PTPRD: variants seen among roughly 807,000 people sequenced by gnomAD.
The protein encoded by PTPRD is protein tyrosine phosphatase receptor type D, also known as receptor-type tyrosine-protein phosphatase delta.
A neutral mutation model predicts 214.5 loss-of-function variants in PTPRD; 34 were observed. The observed-to-expected ratio is 0.16, with a 90% confidence interval of 0.12 to 0.21. The LOEUF (loss-of-function observed/expected upper bound fraction) is 0.21. Ranked by LOEUF, PTPRD falls within the 10% of genes least tolerant of loss-of-function variation. The pLI, the probability that PTPRD is intolerant of heterozygous loss-of-function variation, is 1.00. For missense variants in PTPRD, 2,545 were observed against 2,398.7 expected, an observed-to-expected ratio of 1.06 and a Z score of -1.27; for synonymous variants, 1,128 against 845.7, an observed-to-expected ratio of 1.33 and a Z score of -5.79.
chr9:10,248,813 A>G (rs1350598843), intron 3 of PTPRD, among the ~76,000 whole-genome samples: 1 of 152,266 alleles, frequency 6.6e-6, no homozygotes, highest in Admixed American at 6.5e-5. Context: ...TCCACTGGGA[A>G]TAAAAAGATG....
intron 4 of PTPRD, among the ~76,000 whole-genome samples, chr9:10,015,454 C>T (rs1273896897): frequency 6.6e-6 from 1 of 151,976 alleles, no homozygotes; most frequent in Non-Finnish European, 1.5e-5. Flanking sequence ...TGAAAGAAAC[C>T]CTTTGGGAAC....
intron 11 of PTPRD, among the ~76,000 whole-genome samples, chr9:8,908,060 A>G (rs1025149607): frequency 6.6e-6 from 1 of 152,138 alleles, no homozygotes; most frequent in African/African-American, 2.4e-5. Context: ...GAAGAGAAAA[A>G]TGACTCACCA....
intron 5 of PTPRD, among the ~76,000 whole-genome samples, chr9:9,880,519 A>G (rs2068326454): frequency 6.6e-6 from 1 of 152,198 alleles, no homozygotes; most frequent in Non-Finnish European, 1.5e-5. Context: ...AAATTATCAT[A>G]TATAATCTTC....
rs756198535 is a variant in PTPRD at position 8,500,832 on chromosome 9, G to A, written c.2050C>T (p.Arg684Trp). Residue 684 changes from arginine (R) to tryptophan (W), a missense_variant, in exon 24 of 46, where the codon CGG (arginine) becomes TGG (tryptophan). Arg to Trp is a moderately radical substitution (Grantham distance 101, BLOSUM62 -3). Coordinates refer to ENST00000381196, the MANE Select transcript of PTPRD (RefSeq NM_002839.4). The part of the protein sequence containing the change: ...LEQLEKWTEY[R>W]ITVTAHTDVG... ...TCTGTATGGGCTGTCACAGTGATCC[G>A]GTATTCAGTCCATTTTTCCAGCTGT... is the stretch of plus-strand genomic sequence containing the variant. The A allele has an allele frequency of 1.7e-5, 28 of 1,614,010 alleles. No homozygotes were observed. Among genetic ancestry groups the A allele is most frequent in the Admixed American group, 3.3e-5 (2 of 60,004 alleles).
intron 2 of PTPRD, among the ~76,000 whole-genome samples, chr9:10,341,235 C>G (rs10809070): frequency 0.29 from 44,696 of 151,758 alleles, 8,861 homozygotes; most frequent in African/African-American, 0.55. Context: ...AATTGTAACA[C>G]TTAATCAGTT....
intron 6 of PTPRD, among the ~76,000 whole-genome samples, chr9:9,736,499 T>G (rs1045451618): frequency 6.6e-6 from 1 of 152,100 alleles, no homozygotes; most frequent in African/African-American, 2.4e-5. Context: ...ATAAGCATCC[T>G]TTGTTAAGAG....
chr9:9,969,144 C>A (rs79597889), intron 4 of PTPRD, among the ~76,000 whole-genome samples: 2,237 of 151,834 alleles, frequency 0.015, 34 homozygotes, highest in Non-Finnish European at 0.024. Context: ...AAGCTATGAC[C>A]TGAGGTTACA....
At chr9:9,848,120 CA>C (rs1424750075) in intron 5 of PTPRD, among the ~76,000 whole-genome samples, 6 of 152,152 alleles carry the variant, frequency 3.9e-5, no homozygotes, top group Non-Finnish European at 8.8e-5. Context: ...GGCCTCTAAA[CA>C]GCTGTAACAC....
chr9:9,893,105 C>G (rs189467533), intron 5 of PTPRD, among the ~76,000 whole-genome samples: 1 of 152,002 alleles, frequency 6.6e-6, no homozygotes, highest in Non-Finnish European at 1.5e-5. Context: ...CTGAGATATA[C>G]ATTTGGAGAA....
At chr9:8,708,192 T>C (rs1187728164) in intron 12 of PTPRD, among the ~76,000 whole-genome samples, 3 of 152,296 alleles carry the variant, frequency 2.0e-5, no homozygotes, top group Non-Finnish European at 2.9e-5. Context: ...TCTCAGCCAA[T>C]GTGCAAATAG....
chr9:10,421,594 A>T (rs1245433336), intron 2 of PTPRD, among the ~76,000 whole-genome samples: 1 of 151,904 alleles, frequency 6.6e-6, no homozygotes, highest in Non-Finnish European at 1.5e-5. Flanking sequence ...GGTCCAGTTT[A>T]GGTTTTATAT....
intron 5 of PTPRD, among the ~76,000 whole-genome samples, chr9:9,874,152 A>G (rs937208023): frequency 6.6e-6 from 1 of 152,140 alleles, no homozygotes; most frequent in African/African-American, 2.4e-5. Flanking sequence ...GTAAATTACT[A>G]TGTATAATAA....
At chr9:10,211,586 A>AGCAGAG (rs2099517141) in intron 3 of PTPRD, among the ~76,000 whole-genome samples, 1 of 152,184 alleles carries the variant, frequency 6.6e-6, no homozygotes, top group Admixed American at 6.6e-5. Context: ...TCCGGAACAC[A>AGCAGAG]GCAGAGGAAC....
intron 2 of PTPRD, among the ~76,000 whole-genome samples, chr9:10,421,158 G>A (rs2098541890): frequency 6.6e-6 from 1 of 151,398 alleles, no homozygotes. Context: ...TCCACGGGAT[G>A]CAGGTTGGAC....
At chr9:9,990,740 C>CCCAA (rs1366944217) in intron 4 of PTPRD, among the ~76,000 whole-genome samples, 2 of 152,186 alleles carry the variant, frequency 1.3e-5, no homozygotes. Context: ...ATGGCATTTG[C>CCCAA]TTACATTGGG....
At chr9:9,599,815 C>A (rs1028629706) in intron 7 of PTPRD, among the ~76,000 whole-genome samples, 1 of 151,762 alleles carries the variant, frequency 6.6e-6, no homozygotes, top group African/African-American at 2.4e-5. Flanking sequence ...ACAATATAAA[C>A]AAATGCTATT....
intron 7 of PTPRD, among the ~76,000 whole-genome samples, chr9:9,726,334 G>T (rs1184469627): frequency 6.6e-6 from 1 of 152,120 alleles, no homozygotes; most frequent in African/African-American, 2.4e-5. Flanking sequence ...GCTGTAAGGG[G>T]TATCTCAGAA....
chr9:8,975,776 T>C (rs1214725892), intron 11 of PTPRD, among the ~76,000 whole-genome samples: 2 of 147,244 alleles, frequency 1.4e-5, no homozygotes, highest in African/African-American at 2.4e-5. Flanking sequence ...CAGAAAACTA[T>C]ATTGAGAAAC....
rs192341804 is a variant in PTPRD, at chr9:9,112,295, T to C, written c.-143+71009A>G. Among the ~76,000 whole-genome samples the C allele has an allele frequency of 2.0e-5, 3 of 152,256 alleles. No homozygotes were observed. In the East Asian group the frequency reaches 5.8e-4, roughly 29 times the overall value. ...GGTACATTTTCACTTCAGGCAGGGATGTCTCTGGATGACTGTTTTAGAGGT... is the reference window on the plus strand; with the variant it reads ...GGTACATTTTCACTTCAGGCAGGGACGTCTCTGGATGACTGTTTTAGAGGT... On this transcript the variant is annotated intron_variant, in intron 10 of 45. Coordinates refer to ENST00000381196, the MANE Select transcript of PTPRD (RefSeq NM_002839.4).
Sources: allele counts gnomAD v4.1 joint callset (sites outside exome capture counted in the v4.1 genomes callset), GRCh38; gene constraint gnomAD v4.1.1; transcripts MANE v1.5; gene names NCBI Gene and HGNC (gene_info 2026-07-23, HGNC 2026-07-21).